Variants in EVI5 observed in about 807,000 individuals in gnomAD.
EVI5 encodes the protein ecotropic viral integration site 5 protein homolog.
Under a neutral mutation model 112.0 loss-of-function variants are expected in EVI5, and 73 were observed. That is an observed-to-expected ratio of 0.65 (90% CI 0.54 to 0.79). The LOEUF is 0.79. EVI5 is among the 30% of genes least tolerant of loss of function. The pLI is 0.00. For missense variants in EVI5, 900 were observed against 968.8 expected (o/e 0.93, Z 0.94); for synonymous variants, 305 against 319.9 (o/e 0.95, Z 0.50).
intron 16 of EVI5, among the ~76,000 whole-genome samples, chr1:92,622,998 T>C (rs1481863831): frequency 6.6e-6 from 1 of 152,196 alleles, no homozygotes; most frequent in African/African-American, 2.4e-5. Context: ...TTTCACAAGT[T>C]CTCAAAATCA....
intron 13 of EVI5, among the ~76,000 whole-genome samples, chr1:92,639,478 T>C (rs1263757400): frequency 6.6e-6 from 1 of 152,100 alleles, no homozygotes; most frequent in African/African-American, 2.4e-5. Context: ...AAGTTTCTCA[T>C]ATTATTAAGT....
At chr1:92,547,295 A>T (rs917046232) in intron 19 of EVI5, among the ~76,000 whole-genome samples, 1 of 152,206 alleles carries the variant, frequency 6.6e-6, no homozygotes, top group Non-Finnish European at 1.5e-5. Context: ...GTTCTTTGAA[A>T]CCAATGAGAA....
chr1:92,680,948 C>A (rs1667487428), intron 9 of EVI5, among the ~76,000 whole-genome samples: 1 of 152,016 alleles, frequency 6.6e-6, no homozygotes, highest in African/African-American at 2.4e-5. Context: ...GGTATTAACA[C>A]CTAAATCCTA....
intron 1 of EVI5, among the ~76,000 whole-genome samples, chr1:92,758,482 T>C (rs139348768): frequency 1.9e-3 from 282 of 151,752 alleles, no homozygotes; most frequent in African/African-American, 6.4e-3. Context: ...GGCAGGACTA[T>C]TGATTGAGTC....
intron 13 of EVI5, among the ~76,000 whole-genome samples, chr1:92,658,877 A>G (rs535876138): frequency 2.6e-5 from 4 of 152,302 alleles, no homozygotes; most frequent in African/African-American, 9.6e-5. Context: ...TGGTATTAAA[A>G]ACAGACACAC....
chr1:92,655,255 A>T (rs1380255948), intron 13 of EVI5, among the ~76,000 whole-genome samples: 1 of 152,118 alleles, frequency 6.6e-6, no homozygotes, highest in Non-Finnish European at 1.5e-5. Flanking sequence ...AGTAAAGGAA[A>T]TCCCCTCAGA....
At chr1:92,594,010 G>C (rs567671882) in intron 18 of EVI5, among the ~76,000 whole-genome samples, 1 of 152,174 alleles carries the variant, frequency 6.6e-6, no homozygotes, top group Non-Finnish European at 1.5e-5. Flanking sequence ...GTAATTTATA[G>C]ATTCAATGCC....
intron 19 of EVI5, among the ~76,000 whole-genome samples, chr1:92,515,501 ATGCACCATG>A (rs1659718219): frequency 6.6e-6 from 1 of 152,158 alleles, no homozygotes; most frequent in Non-Finnish European, 1.5e-5. Context: ...CATTTCTCTC[ATGCACCATG>A]AATTTTCTCC....
At chr1:92,747,581 T>C (rs1026053011) in intron 1 of EVI5, among the ~76,000 whole-genome samples, 2 of 151,600 alleles carry the variant, frequency 1.3e-5, no homozygotes, top group South Asian at 2.1e-4. Flanking sequence ...GGGAGTGATG[T>C]TGGGTGCCTG....
rs2101051796 is a variant in EVI5, at chr1:92,577,751, G to A, written c.2071-14014C>T. Reference sequence around the variant, plus strand: ...AAAGCATCAAATATCCACTCATTAAGCTTCATTTTGCTCATGAGACATTGC... The same window carrying A: ...AAAGCATCAAATATCCACTCATTAAACTTCATTTTGCTCATGAGACATTGC... On this transcript the variant is annotated intron_variant, in intron 18 of 19. Coordinates refer to ENST00000684568, the MANE Select transcript of EVI5 (RefSeq NM_001350197.2). Among the ~76,000 whole-genome samples, 3 of 152,322 alleles carry A rather than the reference G, an allele frequency of 2.0e-5. No individual in the cohort carries two copies. In the South Asian group the frequency reaches 6.2e-4, roughly 32 times the overall value.
chr1:92,666,000 G>T lies in EVI5; in HGVS notation c.1159-8C>A, dbSNP rs202012337. 8 of 1,524,100 alleles carry T rather than the reference G, an allele frequency of 5.2e-6. No homozygotes were observed. The highest frequency in any genetic ancestry group is 6.2e-6 in the Non-Finnish European group (7 of 1,135,756). 94.4% of individuals were successfully genotyped at this position (1,524,100 alleles called of 1,614,324 possible). A position where few individuals can be genotyped will look rare whatever the true frequency, so the allele number is the denominator to read the frequency against. ...ATTTTCTGTGCGTAACCTCTGCCAA[G>T]AAAAAAAAAGTTTTATTTGCAAGCA... On this transcript the variant is annotated splice_region_variant and splice_polypyrimidine_tract_variant and intron_variant, in intron 10 of 19. Coordinates refer to ENST00000684568, the MANE Select transcript of EVI5 (RefSeq NM_001350197.2).
chr1:92,675,501 T>C (rs1415470925), intron 10 of EVI5, among the ~76,000 whole-genome samples: 2 of 152,086 alleles, frequency 1.3e-5, no homozygotes, highest in Non-Finnish European at 2.9e-5. Context: ...TTTTCAATAA[T>C]ATAGTGTGGT....
At chr1:92,529,838 A>G (rs556033211) in intron 19 of EVI5, among the ~76,000 whole-genome samples, 1 of 152,214 alleles carries the variant, frequency 6.6e-6, no homozygotes, top group Non-Finnish European at 1.5e-5. Context: ...TAATGTTTAT[A>G]GTATTTAAAA....
At chr1:92,625,096 T>C (rs969513289) in intron 15 of EVI5, among the ~76,000 whole-genome samples, 1 of 152,118 alleles carries the variant, frequency 6.6e-6, no homozygotes, top group Admixed American at 6.5e-5. Context: ...TTATCTTCAA[T>C]GAAATCCCAA....
intron 13 of EVI5, 92 bp from the exon 14 acceptor site, chr1:92,636,428 C>T (rs1658848404): frequency 5.9e-6 from 6 of 1,017,650 alleles, no homozygotes; most frequent in South Asian, 1.8e-5. Context: ...AGTTATATTA[C>T]ATTAAGGGCA....
At chr1:92,581,084 C>T (rs1407348413) in intron 18 of EVI5, among the ~76,000 whole-genome samples, 1 of 152,194 alleles carries the variant, frequency 6.6e-6, no homozygotes, top group African/African-American at 2.4e-5. Context: ...ATGTTCATGG[C>T]TAGGTGATTG....
chr1:92,600,212 C>T (rs1281014527), intron 18 of EVI5, among the ~76,000 whole-genome samples: 1 of 152,102 alleles, frequency 6.6e-6, no homozygotes, highest in African/African-American at 2.4e-5. Flanking sequence ...GCTGGGAAAA[C>T]TAAACTGTAT....
At chr1:92,586,528 G>A (rs1290868675) in intron 18 of EVI5, among the ~76,000 whole-genome samples, 1 of 144,430 alleles carries the variant, frequency 6.9e-6, no homozygotes, top group Non-Finnish European at 1.5e-5. Context: ...TCTACCTTTG[G>A]TCATTGGGAA....
chr1:92,686,974 T>C (rs1201885838), intron 9 of EVI5, among the ~76,000 whole-genome samples: 1 of 152,166 alleles, frequency 6.6e-6, no homozygotes, highest in East Asian at 1.9e-4. Context: ...CCAAGGTAAT[T>C]TATAGATTAA....
Sources: allele counts gnomAD v4.1 joint callset (sites outside exome capture counted in the v4.1 genomes callset), GRCh38; gene constraint gnomAD v4.1.1; transcripts MANE v1.5; gene names NCBI Gene and HGNC (gene_info 2026-07-23, HGNC 2026-07-21).